Variants in DIP2A observed in about 807,000 individuals in gnomAD.
DIP2A encodes the protein DIP2 acetate--CoA ligase A.
A neutral mutation model predicts 177.4 loss-of-function variants in DIP2A; 85 were observed. The ratio of observed to expected loss-of-function variants is 0.48; its 90% CI spans 0.40 to 0.57. The LOEUF (loss-of-function observed/expected upper bound fraction) is 0.57, where lower values mean the gene tolerates loss of function less well. Ranked by LOEUF, DIP2A falls within the 20% of genes least tolerant of loss-of-function variation. The probability of loss-of-function intolerance (pLI) is 0.00; values close to 1 mark genes in which losing one functional copy is unlikely to be tolerated. For missense variants in DIP2A, 1,791 were observed against 2,100.2 expected, an observed-to-expected ratio of 0.85 and a Z score of 2.88; for synonymous variants, 886 against 881.8, an observed-to-expected ratio of 1.00 and a Z score of -0.08.
chr21:46,502,437 ATTTTTTTTTT>A (rs36011338), intron 5 of DIP2A, among the ~76,000 whole-genome samples: 1 of 44,834 alleles, frequency 2.2e-5, no homozygotes, highest in Non-Finnish European at 3.7e-5. Context: ...GCTAGTGTTG[ATTTTTTTTTT>A]TTTTTTTTTT....
chr21:46,526,063 C>G (rs1381636025), intron 8 of DIP2A, among the ~76,000 whole-genome samples: 1 of 151,798 alleles, frequency 6.6e-6, no homozygotes, highest in African/African-American at 2.4e-5. Context: ...CGCCTGCCAC[C>G]ACACCCGGCT....
At chr21:46,523,393 ATTTTTTTTTTT>A (rs61370008) in intron 8 of DIP2A, among the ~76,000 whole-genome samples, 1 of 89,914 alleles carries the variant, frequency 1.1e-5, no homozygotes, top group Admixed American at 1.5e-4. Context: ...CGCCTGGCTA[ATTTTTTTTTTT>A]TTTTTTTTTT....
Position 46,554,254 on chromosome 21 carries a change from T to A in DIP2A, c.3116T>A (p.Leu1039Gln). ...GCGGCTCTGATGGAGAAGGGAAGAC[T>A]GAGTGTTGGGGACCATGTGGCTCTG... ...VAAALMEKGR[L>Q]SVGDHVALVY... is the part of the protein sequence containing the mutation. The change falls in exon 26 of 38, where the codon CTG becomes CAG. Residue 1039 changes from leucine (L) to glutamine (Q), a missense_variant. Transcript: ENST00000417564. The A allele has an allele frequency of 6.2e-7, 1 of 1,613,930 alleles. No homozygotes were observed. The highest frequency in any genetic ancestry group is 8.5e-7 in the Non-Finnish European group (1 of 1,179,846).
At chr21:46,473,481 T>G in intron 1 of DIP2A, among the ~76,000 whole-genome samples, 1 of 147,040 alleles carries the variant, frequency 6.8e-6, no homozygotes, top group Non-Finnish European at 1.5e-5. Context: ...GGGGGGGCCA[T>G]GGCGGTGGTT....
At chr21:46,561,428 T>C (rs912860046) in intron 33 of DIP2A, 2 of 401,890 alleles carry the variant, frequency 5.0e-6, no homozygotes, top group Non-Finnish European at 9.4e-6. Flanking sequence ...ATGGCCACAC[T>C]GTAGCTTGAT....
intron 8 of DIP2A, among the ~76,000 whole-genome samples, chr21:46,521,202 T>G (rs957898034): frequency 6.6e-6 from 1 of 152,344 alleles, no homozygotes; most frequent in South Asian, 2.1e-4. Flanking sequence ...TTCTTTTTTT[T>G]TCCTGAGACG....
intron 1 of DIP2A, among the ~76,000 whole-genome samples, chr21:46,479,724 G>A (rs2056196858): frequency 6.6e-6 from 1 of 152,006 alleles, no homozygotes; most frequent in Admixed American, 6.6e-5. Context: ...GTAGAGACAG[G>A]GTCTCTTTAT....
intron 8 of DIP2A, among the ~76,000 whole-genome samples, chr21:46,515,792 TC>T (rs1158160145): frequency 6.6e-6 from 1 of 152,280 alleles, no homozygotes; most frequent in East Asian, 1.9e-4. Context: ...CCGGCCTCCC[TC>T]CCAAAGTGCT....
chr21:46,504,334 C>T, intron 5 of DIP2A, 27 bp from the exon 6 acceptor site: 1 of 1,612,622 alleles, frequency 6.2e-7, no homozygotes, highest in Non-Finnish European at 8.5e-7. Context: ...CAGCCACTTT[C>T]ATTTTGGGTG....
At chr21:46,566,498 C>G in intron 36 of DIP2A, 62 bp from the exon 37 acceptor site, 5 of 1,606,888 alleles carry the variant, frequency 3.1e-6, no homozygotes, top group Non-Finnish European at 4.3e-6. Flanking sequence ...TCAGAGGATA[C>G]GAATGTCCAG....
At chr21:46,510,400 A>AG (rs1262959758) in intron 7 of DIP2A, among the ~76,000 whole-genome samples, 1 of 152,152 alleles carries the variant, frequency 6.6e-6, no homozygotes, top group East Asian at 1.9e-4. Context: ...AGACACACCC[A>AG]GGAAGAATAC....
At chr21:46,512,532 A>G (rs1008742781) in intron 8 of DIP2A, among the ~76,000 whole-genome samples, 1 of 152,234 alleles carries the variant, frequency 6.6e-6, no homozygotes, top group Non-Finnish European at 1.5e-5. Context: ...GCCTGGTGAC[A>G]AATTATGCTT....
intron 8 of DIP2A, among the ~76,000 whole-genome samples, chr21:46,522,034 T>C (rs537544108): frequency 6.6e-6 from 1 of 152,374 alleles, no homozygotes; most frequent in South Asian, 2.1e-4. Flanking sequence ...AGAAGCAGTT[T>C]ATGACCGTAA....
At chr21:46,548,126 AG>A (rs2060129585) in intron 21 of DIP2A, among the ~76,000 whole-genome samples, 1 of 151,946 alleles carries the variant, frequency 6.6e-6, no homozygotes, top group Non-Finnish European at 1.5e-5. Context: ...ACAACAGAGA[AG>A]GTGGGAGATT....
intron 1 of DIP2A, among the ~76,000 whole-genome samples, chr21:46,475,182 C>T (rs1399184913): frequency 6.6e-6 from 1 of 152,070 alleles, no homozygotes; most frequent in African/African-American, 2.4e-5. Context: ...CTTTCAGTTG[C>T]AAGGCTAGTC....
At position 46,511,399 on chromosome 21, in the gene DIP2A, T is replaced by C. The variant is rs2058306106; in HGVS notation, c.905-18T>C. Reference sequence around the variant, plus strand: ...GTGCTCTGAATTGCTGATTTTAAAGTTTTGATTTTGCTTGTAGTTCAGCAA... The same window carrying C: ...GTGCTCTGAATTGCTGATTTTAAAGCTTTGATTTTGCTTGTAGTTCAGCAA... On this transcript the variant is annotated intron_variant, in intron 7 of 37. Coordinates refer to ENST00000417564, the MANE Select transcript of DIP2A (RefSeq NM_015151.4). 1 of 1,590,874 alleles carries C rather than the reference T, an allele frequency of 6.3e-7. No individual in the cohort carries two copies. Among genetic ancestry groups the C allele is most frequent in the African/African-American group, 1.3e-5 (1 of 74,236 alleles).
rs1218568321 is a variant in DIP2A at position 46,537,399 on chromosome 21, G to A, written c.1708-47G>A. ...ACATCGGTTTTGTTTTGCTTTTTCT[G>A]GTGTGGCTCGGGCCCACTCGCCCTA... On this transcript the variant is annotated intron_variant, in intron 14 of 37. Coordinates refer to ENST00000417564, the MANE Select transcript of DIP2A (RefSeq NM_015151.4). This position sits in a 1 kb window ranked among gnomAD's most constrained non-coding sequence, Gnocchi z 4.1. 6.2e-7 allele frequency: 1 copy of A among 1,611,004 alleles called. No homozygotes were observed. The highest frequency in any genetic ancestry group is 8.5e-7 in the Non-Finnish European group (1 of 1,177,360).
chr21:46,515,970 T>G (rs146194787), intron 8 of DIP2A, among the ~76,000 whole-genome samples: 8 of 152,342 alleles, frequency 5.3e-5, no homozygotes, highest in African/African-American at 1.9e-4. Context: ...TTCCTGTATG[T>G]TCGTTATACT....
chr21:46,460,492 AGATT>A (rs963752425), intron 1 of DIP2A, among the ~76,000 whole-genome samples: 16 of 152,340 alleles, frequency 1.1e-4, no homozygotes, highest in African/African-American at 3.4e-4. Flanking sequence ...TTTAAGTTTC[AGATT>A]GATAAGATTT....
Sources: gnomAD v4.1 joint callset for allele counts (sites outside exome capture counted in the v4.1 genomes callset) on GRCh38, gnomAD v4.1.1 for gene constraint, Gnocchi (gnomAD v3.1) non-coding constraint, MANE v1.5 for transcripts, NCBI Gene and HGNC (gene_info 2026-07-23, HGNC 2026-07-21) for gene names.